The following CEP162 variants were observed in gnomAD, a reference collection of about 807,000 sequenced individuals.
CEP162 encodes centrosomal protein of 162 kDa.
CEP162 carries 141 observed loss-of-function variants against 169.2 expected under a neutral mutation model. That is an observed-to-expected ratio of 0.83 (90% CI 0.73 to 0.96). CEP162 has a LOEUF of 0.96. CEP162 is among the 40% of genes least tolerant of loss of function. The pLI, the probability that CEP162 is intolerant of heterozygous loss-of-function variation, is 0.00. For missense variants in CEP162, 1,600 were observed against 1,587.2 expected (o/e 1.01, Z -0.14); for synonymous variants, 540 against 526.4 (o/e 1.03, Z -0.35).
chr6:84,214,338 G>A (rs542404625), intron 5 of CEP162, among the ~76,000 whole-genome samples: 7 of 152,330 alleles, frequency 4.6e-5, no homozygotes, highest in Admixed American at 2.0e-4. Flanking sequence ...AGCCCATTGT[G>A]TGTGAATACA....
intron 6 of CEP162, among the ~76,000 whole-genome samples, chr6:84,208,559 A>ATT (rs1562086153): frequency 6.6e-6 from 1 of 152,206 alleles, no homozygotes. Flanking sequence ...GAAGAAATGA[A>ATT]TTTGAGAGGG....
intron 13 of CEP162, among the ~76,000 whole-genome samples, chr6:84,178,907 A>G (rs1473268857): frequency 6.6e-6 from 1 of 151,924 alleles, no homozygotes; most frequent in Non-Finnish European, 1.5e-5. Flanking sequence ...GAGAACATGC[A>G]GTGTTTGGTT....
At chr6:84,200,387 G>A (rs1279157971) in intron 9 of CEP162, among the ~76,000 whole-genome samples, 1 of 152,200 alleles carries the variant, frequency 6.6e-6, no homozygotes, top group Non-Finnish European at 1.5e-5. Flanking sequence ...AGGTATTTCA[G>A]AATTTGGGGA....
At chr6:84,202,623 G>A (rs911940602) in intron 7 of CEP162, among the ~76,000 whole-genome samples, 2 of 148,470 alleles carry the variant, frequency 1.3e-5, no homozygotes, top group African/African-American at 5.1e-5. Context: ...TGCCCCTGGG[G>A]TTCGAGCAAT....
At chr6:84,189,537 G>C (rs2099538819) in intron 11 of CEP162, among the ~76,000 whole-genome samples, 1 of 152,180 alleles carries the variant, frequency 6.6e-6, no homozygotes, top group African/African-American at 2.4e-5. Context: ...AGGGTGTACT[G>C]AGTCCCCCAG....
chr6:84,167,908 C>A (rs9294293), intron 18 of CEP162, among the ~76,000 whole-genome samples: 18,673 of 152,130 alleles, frequency 0.12, 3,208 homozygotes, highest in African/African-American at 0.39. Flanking sequence ...ATCCCGTCTA[C>A]ACTTTGCTGT....
rs113812632 is a variant in CEP162, at chr6:84,188,888, A to AT, written c.1110-2266dup. ...GTTCCCTTTTCTCTGCAACCAGCAT[A>AT]TTTTTTTTTGTTTTTTACTTTTTAA... On this transcript the variant is annotated intron_variant, in intron 11 of 26. Coordinates refer to ENST00000403245, the MANE Select transcript of CEP162 (RefSeq NM_014895.4). 4.8e-3 allele frequency among the ~76,000 whole-genome samples: 723 copies of AT among 151,036 alleles called. 1 individual carries two copies. The highest frequency in any genetic ancestry group is 0.014 in the African/African-American group (579 of 41,186).
chr6:84,179,683 T>A (rs142299682), intron 13 of CEP162, among the ~76,000 whole-genome samples: 3,470 of 152,196 alleles, frequency 0.023, 67 homozygotes, highest in Admixed American at 0.034. Context: ...CCCACAGAAA[T>A]ACAAACTACC....
chr6:84,143,615 G>A (rs1240031469), intron 25 of CEP162, among the ~76,000 whole-genome samples: 2 of 151,852 alleles, frequency 1.3e-5, no homozygotes, highest in Non-Finnish European at 2.9e-5. Context: ...GAATGTAGAA[G>A]CTTGCAGAAG....
In CEP162 at chr6:84,174,088, T is replaced by A. The variant is rs2099531289; in HGVS notation, c.2126A>T (p.Glu709Val). Residue 709 changes from glutamate (E) to valine (V), a missense_variant, in exon 16 of 27, where the codon GAA becomes GTA. Physicochemically the swap from Glu to Val is moderately radical, Grantham distance 121. Coordinates refer to ENST00000403245, the MANE Select transcript of CEP162 (RefSeq NM_014895.4). ...TGEKLKQIQK[E>V]IQEQETLLQG... ...AAGAAGTGTCTCTTGTTCTTGTATTTCTTTTTGGATTTGCTTCAACTTTTC... is the reference window on the plus strand; with the variant it reads ...AAGAAGTGTCTCTTGTTCTTGTATTACTTTTTGGATTTGCTTCAACTTTTC... The A allele has an allele frequency of 1.2e-6, 2 of 1,612,712 alleles. No homozygotes were observed. Among genetic ancestry groups the A allele is most frequent in the Admixed American group, 3.3e-5 (2 of 59,872 alleles).
intron 8 of CEP162, 102 bp downstream of exon 8, chr6:84,201,635 T>G: frequency 1.6e-6 from 1 of 638,274 alleles, no homozygotes; most frequent in Non-Finnish European, 2.7e-6. Context: ...TTAGAAATAT[T>G]TAAAAACAAA....
At chr6:84,153,881 G>A (rs902593720) in intron 22 of CEP162, among the ~76,000 whole-genome samples, 7 of 152,094 alleles carry the variant, frequency 4.6e-5, no homozygotes, top group African/African-American at 9.7e-5. Context: ...TAAAATAATG[G>A]GCCTGTGAAC....
chr6:84,180,133 A>G (rs1009203805), intron 13 of CEP162, among the ~76,000 whole-genome samples: 1 of 152,120 alleles, frequency 6.6e-6, no homozygotes, highest in Non-Finnish European at 1.5e-5. Context: ...GCACATCAAA[A>G]AGCTTATCCA....
At chr6:84,188,118 AAAG>A (rs1219120996) in intron 11 of CEP162, among the ~76,000 whole-genome samples, 6 of 152,046 alleles carry the variant, frequency 3.9e-5, no homozygotes, top group Admixed American at 3.9e-4. Context: ...AAAAAAAAAA[AAAG>A]AGTGTCATCT....
At chr6:84,128,185 C>A (rs1362242740) in intron 25 of CEP162, among the ~76,000 whole-genome samples, 1 of 152,136 alleles carries the variant, frequency 6.6e-6, no homozygotes, top group African/African-American at 2.4e-5. Context: ...ATTAAACATT[C>A]ATTGGTAAAT....
Position 84,186,552 on chromosome 6 carries a change from A to C in CEP162, c.1181T>G (p.Ile394Ser). ...CACATGTTGTGAGTCTTGAGACAAAATATTTGGGTTCATCTTCAGGGGTAA... is the reference window on the plus strand; with the variant it reads ...CACATGTTGTGAGTCTTGAGACAAACTATTTGGGTTCATCTTCAGGGGTAA... ...SSLPLKMNPN[I>S]LSQDSQHVNL... Residue 394 changes from isoleucine (I) to serine (S), a missense_variant, in exon 12 of 27, where the codon ATT becomes AGT. Transcript: ENST00000403245. 6.2e-7 allele frequency: 1 copy of C among 1,612,792 alleles called. No individual in the cohort carries two copies. The highest frequency in any genetic ancestry group is 8.5e-7 in the Non-Finnish European group (1 of 1,179,270).
At chr6:84,187,792 A>G (rs2099537868) in intron 11 of CEP162, among the ~76,000 whole-genome samples, 1 of 152,188 alleles carries the variant, frequency 6.6e-6, no homozygotes, top group Non-Finnish European at 1.5e-5. Context: ...ACCATGGAGA[A>G]CTAAGAGAAA....
chr6:84,137,468 T>C (rs180878437), intron 25 of CEP162, among the ~76,000 whole-genome samples: 7 of 152,242 alleles, frequency 4.6e-5, no homozygotes, highest in East Asian at 1.9e-4. Context: ...TGGGCCACAA[T>C]AGTCCCTGGG....
intron 6 of CEP162, among the ~76,000 whole-genome samples, chr6:84,207,283 G>A (rs996181833): frequency 6.6e-6 from 1 of 152,048 alleles, no homozygotes; most frequent in African/African-American, 2.4e-5. Context: ...GTTTATTGTG[G>A]CACTGTTCAC....
Sources: gnomAD v4.1 joint callset for allele counts (sites outside exome capture counted in the v4.1 genomes callset) on GRCh38, gnomAD v4.1.1 for gene constraint, MANE v1.5 for transcripts, NCBI Gene and HGNC (gene_info 2026-07-23, HGNC 2026-07-21) for gene names.